Variants in SHANK2 observed in about 807,000 individuals in gnomAD.
SHANK2 encodes SH3 and multiple ankyrin repeat domains protein 2.
In SHANK2, 43 loss-of-function variants were observed where a neutral mutation model predicts 133.7. That is an observed-to-expected ratio of 0.32 (90% CI 0.25 to 0.41). The LOEUF (loss-of-function observed/expected upper bound fraction) is 0.41. Ranked by LOEUF, SHANK2 falls within the 10% of genes least tolerant of loss-of-function variation. SHANK2 has a pLI of 1.00. For synonymous variants in SHANK2, 1,017 were observed against 952.8 expected (o/e 1.07, Z -1.24); for missense variants, 1,994 against 2,235.8 (o/e 0.89, Z 2.18).
chr11:70,768,360 A>C (rs1408604842), intron 14 of SHANK2, among the ~76,000 whole-genome samples: 2 of 152,226 alleles, frequency 1.3e-5, no homozygotes, highest in East Asian at 3.8e-4. Flanking sequence ...ATAGGCAAGA[A>C]TAGAGCTCCC....
In SHANK2 at chr11:70,569,521, C is replaced by T. The variant is rs2060016289; in HGVS notation, c.2062-66590G>A. On this transcript the variant is annotated intron_variant, in intron 17 of 25. Coordinates refer to ENST00000601538, the MANE Select transcript of SHANK2 (RefSeq NM_012309.5). This position sits in a 1 kb window ranked among gnomAD's most constrained non-coding sequence, Gnocchi z 5.1. ...GGAAGAGAGGCATGGGTGGCGCTGC[C>T]GGCCGCTTCCCCATCTTACCTCTGC... Among the ~76,000 whole-genome samples, 2 of 152,146 alleles carry T rather than the reference C, an allele frequency of 1.3e-5. No homozygotes were observed. Among genetic ancestry groups the T allele is most frequent in the African/African-American group, 2.4e-5 (1 of 41,440 alleles).
At chr11:71,210,189 C>T (rs527494543) in intron 2 of SHANK2, among the ~76,000 whole-genome samples, 4 of 125,756 alleles carry the variant, frequency 3.2e-5, no homozygotes, top group Admixed American at 9.3e-5. Flanking sequence ...CCACCTGGTC[C>T]TCTTCATTGG....
intron 15 of SHANK2, among the ~76,000 whole-genome samples, chr11:70,666,689 C>T (rs1322542267): frequency 2.0e-5 from 3 of 152,152 alleles, no homozygotes; most frequent in East Asian, 1.9e-4. Context: ...ATGACCGAGG[C>T]GCCTACACGT....
Position 70,499,668 on chromosome 11 carries a change from CG to C in SHANK2, c.2308+901del, listed in dbSNP as rs1555157946. On this transcript the variant is annotated intron_variant, in intron 21 of 25. Coordinates refer to ENST00000601538, the MANE Select transcript of SHANK2 (RefSeq NM_012309.5). ...ATAGAAAGAAGGGTATTCTGTACCC[CG>C]GGTGTCCACCACATCCTCGGCGCAG... Among the ~76,000 whole-genome samples the C allele has an allele frequency of 3.9e-5, 6 of 152,318 alleles. No individual in the cohort carries two copies. The South Asian group carries it at 1.2e-3, about 32-fold the overall frequency.
intron 9 of SHANK2, among the ~76,000 whole-genome samples, chr11:71,060,313 C>G (rs1381744084): frequency 6.6e-6 from 1 of 152,212 alleles, no homozygotes; most frequent in Admixed American, 6.5e-5. Context: ...TCAACAACCC[C>G]TGTCTTCATG....
chr11:70,887,547 A>G (rs642709), intron 11 of SHANK2, among the ~76,000 whole-genome samples: 152,087 of 152,136 alleles, frequency 1, 76,019 homozygotes, highest in East Asian at 1. Flanking sequence ...TCATCACCTC[A>G]CAGTGTTCAT....
rs115404934 is a variant in SHANK2, at chr11:70,713,815, C to T, written c.1778-15052G>A. ...ACCATTTAAGTGTAAAACACACTCTCTTCTGAATGCTCCCAGCAACACTAC... is the reference window on the plus strand; with the variant it reads ...ACCATTTAAGTGTAAAACACACTCTTTTCTGAATGCTCCCAGCAACACTAC... On this transcript the variant is annotated intron_variant, in intron 14 of 25. Coordinates refer to ENST00000601538, the MANE Select transcript of SHANK2 (RefSeq NM_012309.5). Among the ~76,000 whole-genome samples the T allele has an allele frequency of 2.5e-3, 387 of 152,374 alleles. 1 individual carries two copies. The highest frequency in any genetic ancestry group is 9.1e-3 in the African/African-American group (380 of 41,586).
chr11:70,546,767 C>A (rs2059701471), intron 17 of SHANK2, among the ~76,000 whole-genome samples: 1 of 152,232 alleles, frequency 6.6e-6, no homozygotes. Flanking sequence ...ATGCATACAC[C>A]TCCCTGCTGG....
chr11:70,580,589 G>A (rs549230517), intron 17 of SHANK2, among the ~76,000 whole-genome samples: 2 of 152,320 alleles, frequency 1.3e-5, no homozygotes, highest in East Asian at 3.9e-4. Context: ...CACCCACGGG[G>A]GCTCAAGATG....
At chr11:71,073,175 T>TTTTTTTTTTTTTTTTTTTTTTTA (rs1951171559) in intron 9 of SHANK2, among the ~76,000 whole-genome samples, 1 of 113,978 alleles carries the variant, frequency 8.8e-6, no homozygotes, top group Non-Finnish European at 2.0e-5. Flanking sequence ...CTTTTTTTTT[T>TTTTTTTTTTTTTTTTTTTTTTTA]TGAGATAGAG....
At chr11:70,629,528 T>C (rs1189139198) in intron 17 of SHANK2, among the ~76,000 whole-genome samples, 1 of 151,596 alleles carries the variant, frequency 6.6e-6, no homozygotes, top group Non-Finnish European at 1.5e-5. Context: ...ACCGTGACCC[T>C]GGGGGCCGCA....
At chr11:70,705,415 G>C (rs1565256068) in intron 14 of SHANK2, 1 of 152,182 alleles carries the variant, frequency 6.6e-6, no homozygotes, top group Admixed American at 6.5e-5. Flanking sequence ...GCAAGTATAG[G>C]AGGGAAGACC....
intron 17 of SHANK2, among the ~76,000 whole-genome samples, chr11:70,611,139 A>G (rs1218051832): frequency 1.3e-5 from 2 of 152,256 alleles, no homozygotes; most frequent in African/African-American, 4.8e-5. Context: ...AGAATGCAAG[A>G]AAAGTGGCAG....
chr11:70,484,367 T>A (rs2058773708), intron 25 of SHANK2, among the ~76,000 whole-genome samples: 1 of 152,096 alleles, frequency 6.6e-6, no homozygotes, highest in Non-Finnish European at 1.5e-5. Context: ...TGAGCTCTCA[T>A]GAGATCAGGT....
chr11:70,879,887 C>A (rs1359658531), intron 11 of SHANK2, among the ~76,000 whole-genome samples: 2 of 152,198 alleles, frequency 1.3e-5, no homozygotes, highest in African/African-American at 4.8e-5. Context: ...TCAGGGAAAG[C>A]GGAGTCCACA....
At chr11:70,925,560 T>C (rs1022427164) in intron 10 of SHANK2, among the ~76,000 whole-genome samples, 3 of 152,228 alleles carry the variant, frequency 2.0e-5, no homozygotes, top group African/African-American at 7.2e-5. Context: ...ATCATTCCTA[T>C]GGTAGAGCTT....
chr11:70,489,957 G>A, intron 23 of SHANK2: 1 of 370,354 alleles, frequency 2.7e-6, no homozygotes, highest in South Asian at 2.3e-5. Context: ...GGGGAGGGGG[G>A]TTGGCTCGCA....
intron 2 of SHANK2, among the ~76,000 whole-genome samples, chr11:71,209,084 C>G (rs1279176805): frequency 6.6e-6 from 1 of 152,196 alleles, no homozygotes; most frequent in Non-Finnish European, 1.5e-5. Flanking sequence ...AGCCACTGTG[C>G]TTCAAAAGCA....
chr11:70,765,506 C>T (rs1440859760), intron 14 of SHANK2, among the ~76,000 whole-genome samples: 2 of 152,196 alleles, frequency 1.3e-5, no homozygotes, highest in Admixed American at 6.5e-5. Context: ...TCCCTAAGCA[C>T]CTGGATCCAG....
Sources: allele counts gnomAD v4.1 joint callset (sites outside exome capture counted in the v4.1 genomes callset), GRCh38; gene constraint gnomAD v4.1.1; non-coding constraint Gnocchi (gnomAD v3.1); transcripts MANE v1.5; gene names NCBI Gene and HGNC (gene_info 2026-07-23, HGNC 2026-07-21).